The following SAMD4A variants were observed in gnomAD, a reference collection of about 807,000 sequenced individuals.
SAMD4A encodes the protein sterile alpha motif domain containing 4A.
In SAMD4A, 33 loss-of-function variants were observed where a neutral mutation model predicts 81.3. The observed-to-expected ratio is 0.41, with a 90% CI of 0.31 to 0.54. The LOEUF (loss-of-function observed/expected upper bound fraction) is 0.54, where lower values mean the gene tolerates loss of function less well. SAMD4A is among the 20% of genes least tolerant of loss of function. The pLI is 0.37. For missense variants in SAMD4A, 854 were observed against 951.1 expected (o/e 0.90, Z 1.34); for synonymous variants, 389 against 382.1 (o/e 1.02, Z -0.21).
At chr14:54,740,886 A>C (rs1353064320) in intron 4 of SAMD4A, among the ~76,000 whole-genome samples, 1 of 152,238 alleles carries the variant, frequency 6.6e-6, no homozygotes, top group East Asian at 1.9e-4. Context: ...TTCAAAGTAC[A>C]GATTAAATGT....
chr14:54,587,315 A>G (rs963231348), intron 2 of SAMD4A, among the ~76,000 whole-genome samples: 2 of 152,174 alleles, frequency 1.3e-5, no homozygotes, highest in African/African-American at 4.8e-5. Flanking sequence ...TACTAGTTCT[A>G]GGAGCTTTTT....
At chr14:54,610,987 C>A (rs2034337138) in intron 2 of SAMD4A, among the ~76,000 whole-genome samples, 1 of 152,078 alleles carries the variant, frequency 6.6e-6, no homozygotes, top group Non-Finnish European at 1.5e-5. Flanking sequence ...GATCAAAATC[C>A]TGCATGATCA....
chr14:54,651,669 A>G (rs1193424277), intron 2 of SAMD4A, among the ~76,000 whole-genome samples: 1 of 152,218 alleles, frequency 6.6e-6, no homozygotes, highest in Non-Finnish European at 1.5e-5. Flanking sequence ...TCATGTGCAT[A>G]TTTTATTTGA....
chr14:54,650,370 A>G (rs959387726), intron 2 of SAMD4A, among the ~76,000 whole-genome samples: 5 of 152,158 alleles, frequency 3.3e-5, no homozygotes, highest in African/African-American at 1.2e-4. Context: ...TCCCCATGTT[A>G]TTGGCTAGTG....
chr14:54,617,348 C>T (rs888385334), intron 2 of SAMD4A, among the ~76,000 whole-genome samples: 1 of 152,160 alleles, frequency 6.6e-6, no homozygotes, highest in African/African-American at 2.4e-5. Context: ...AACTATATTA[C>T]AAGAACATGC....
rs1332173623 is a variant in SAMD4A, at chr14:54,702,120, T to C, written c.255T>C (p.Thr85=). ...ATAAAGTGATTTCCCTCCTGTTAACTCATCTGCCTTTGCTGAAGCCAGGAA... is the reference window on the plus strand; with the variant it reads ...ATAAAGTGATTTCCCTCCTGTTAACCCATCTGCCTTTGCTGAAGCCAGGAA... ...SKDKVISLLL[T]HLPLLKPGNL... Residue 85 remains threonine (T), a synonymous_variant, in exon 3 of 13, where the codon ACT becomes ACC. Coordinates refer to ENST00000554335, the MANE Select transcript of SAMD4A (RefSeq NM_015589.6). The C allele has an allele frequency of 2.0e-5, 33 of 1,614,062 alleles. No individual in the cohort carries two copies. The East Asian group carries it at 6.9e-4, about 34-fold the overall frequency.
intron 2 of SAMD4A, among the ~76,000 whole-genome samples, chr14:54,642,858 C>A (rs1315004403): frequency 6.6e-6 from 1 of 152,212 alleles, no homozygotes; most frequent in Non-Finnish European, 1.5e-5. Flanking sequence ...TTCATAAACA[C>A]TGAGAGCTGC....
chr14:54,759,173 C>T (rs188184212), intron 6 of SAMD4A, among the ~76,000 whole-genome samples: 5 of 152,334 alleles, frequency 3.3e-5, no homozygotes, highest in Non-Finnish European at 7.3e-5. Flanking sequence ...CAGTTCTATA[C>T]ATATTCCTCT....
intron 2 of SAMD4A, among the ~76,000 whole-genome samples, chr14:54,636,575 G>A (rs2035040176): frequency 6.6e-6 from 1 of 152,232 alleles, no homozygotes; most frequent in South Asian, 2.1e-4. Context: ...AAGGCTGGTA[G>A]AGTAAGAGAT....
chr14:54,679,837 C>G (rs1352452582), intron 2 of SAMD4A, among the ~76,000 whole-genome samples: 1 of 152,206 alleles, frequency 6.6e-6, no homozygotes, highest in African/African-American at 2.4e-5. Flanking sequence ...ACTCTTCCCT[C>G]TGCTCATCAA....
At position 54,760,180 on chromosome 14, in the gene SAMD4A, G is replaced by A; in HGVS notation, c.1196G>A (p.Ser399Asn). The A allele has an allele frequency of 5.0e-6, 8 of 1,612,748 alleles. No homozygotes were observed. The highest frequency in any genetic ancestry group is 6.8e-6 in the Non-Finnish European group (8 of 1,179,770). Residue 399 changes from serine (S) to asparagine (N), a missense_variant, in exon 7 of 13, where the codon AGC becomes AAC. By Grantham distance (46) the Ser-to-Asn change is conservative. This residue lies in a region of SAMD4A where 428 missense variants were observed against 471.2 expected (regional missense o/e 0.91). Transcript: ENST00000554335. ...GTCCAGGACATCATCGAGGGGGGCA[G>A]CCTGCGCATCCCGCTCCAGGAACTG... is the stretch of plus-strand genomic sequence containing the variant. Reference protein sequence around the residue: ...SLERDIIEGGSLRIPLQELHQ... With the variant: ...SLERDIIEGGNLRIPLQELHQ...
intron 2 of SAMD4A, among the ~76,000 whole-genome samples, chr14:54,584,893 G>C (rs2033573125): frequency 6.6e-6 from 1 of 152,068 alleles, no homozygotes; most frequent in Non-Finnish European, 1.5e-5. Context: ...TAGCAAAGCA[G>C]GTAGAAGAGT....
At chr14:54,582,232 G>T (rs532843945) in intron 2 of SAMD4A, among the ~76,000 whole-genome samples, 1 of 151,948 alleles carries the variant, frequency 6.6e-6, no homozygotes, top group South Asian at 2.1e-4. Flanking sequence ...ATTTGGACAA[G>T]AATTGCTGCT....
chr14:54,608,272 C>T (rs113067471), intron 2 of SAMD4A, among the ~76,000 whole-genome samples: 8 of 152,210 alleles, frequency 5.3e-5, no homozygotes, highest in African/African-American at 1.9e-4. Flanking sequence ...GTAAGTGGAT[C>T]AGGGAGATGG....
intron 2 of SAMD4A, among the ~76,000 whole-genome samples, chr14:54,620,041 T>C (rs9323268): frequency 3.3e-5 from 5 of 151,708 alleles, no homozygotes; most frequent in African/African-American, 1.2e-4. Flanking sequence ...CTTCTACCAG[T>C]CATCCAACTA....
At chr14:54,572,221 A>G (rs921009043) in intron 2 of SAMD4A, among the ~76,000 whole-genome samples, 10 of 152,166 alleles carry the variant, frequency 6.6e-5, no homozygotes, top group Admixed American at 2.0e-4. Context: ...AGATATGGGG[A>G]TAAAAAGTAT....
Position 54,687,968 on chromosome 14 carries a change from A to G in SAMD4A, c.197-14094A>G, listed in dbSNP as rs74660958. 829 of 986,204 alleles carry G rather than the reference A, an allele frequency of 8.4e-4. 6 individuals are homozygous for G. The African/African-American group carries it at 0.013, about 16-fold the overall frequency. 61.1% of individuals were successfully genotyped at this position (986,204 alleles called of 1,614,324 possible). A position where few individuals can be genotyped will look rare whatever the true frequency, so the allele number is the denominator to read the frequency against. ...CTCTGACATCATAATACCCAGCCAG[A>G]CACTCAATAATGATGAGCTGTGCCC... On this transcript the variant is annotated intron_variant, in intron 2 of 12. Transcript: ENST00000554335.
Position 54,696,704 on chromosome 14 carries a change from A to G in SAMD4A, c.197-5358A>G, listed in dbSNP as rs1238282713. The G allele has an allele frequency of 3.3e-5, 5 of 152,180 alleles. No homozygotes were observed. The East Asian group carries it at 9.6e-4, about 29-fold the overall frequency. 9.4% of individuals were successfully genotyped at this position (152,180 alleles called of 1,614,324 possible). A position where few individuals can be genotyped will look rare whatever the true frequency, so the allele number is the denominator to read the frequency against. On this transcript the variant is annotated intron_variant, in intron 2 of 12. Coordinates refer to ENST00000554335, the MANE Select transcript of SAMD4A (RefSeq NM_015589.6). ...CAAAAATCATTGGGACAGTTTCCTA[A>G]TCCTCATGGTCTTTAATTATAGCTC...
intron 2 of SAMD4A, among the ~76,000 whole-genome samples, chr14:54,606,755 G>A (rs957789910): frequency 1.3e-5 from 2 of 152,252 alleles, no homozygotes; most frequent in African/African-American, 4.8e-5. Flanking sequence ...GTATGTGGCA[G>A]TTAAAAGTAT....
Sources: allele counts gnomAD v4.1 joint callset (sites outside exome capture counted in the v4.1 genomes callset), GRCh38; gene constraint gnomAD v4.1.1; regional missense constraint gnomAD v4.1.1; transcripts MANE v1.5; gene names NCBI Gene and HGNC (gene_info 2026-07-23, HGNC 2026-07-21).